The following ARHGAP26 variants were observed in gnomAD, a reference collection of about 807,000 sequenced individuals.
ARHGAP26 encodes rho GTPase-activating protein 26.
A neutral mutation model predicts 104.8 loss-of-function variants in ARHGAP26; 38 were observed. The observed-to-expected ratio is 0.36, with a 90% CI of 0.28 to 0.48. ARHGAP26 has a LOEUF of 0.48. Among genes scored for constraint, ARHGAP26 ranks in the 20% least tolerant of loss-of-function variants. The probability of loss-of-function intolerance (pLI) is 0.99; values close to 1 mark genes in which losing one functional copy is unlikely to be tolerated. For synonymous variants in ARHGAP26, 341 were observed against 340.0 expected, an observed-to-expected ratio of 1.00 and a Z score of -0.03; for missense variants, 704 against 947.9, an observed-to-expected ratio of 0.74 and a Z score of 3.38.
At chr5:142,835,553 A>G (rs1204912521) in intron 1 of ARHGAP26, among the ~76,000 whole-genome samples, 1 of 152,172 alleles carries the variant, frequency 6.6e-6, no homozygotes, top group African/African-American at 2.4e-5. Context: ...CTTGTCTTTT[A>G]CCCAGGTGTC....
intron 17 of ARHGAP26, among the ~76,000 whole-genome samples, chr5:143,117,263 G>A (rs1278519637): frequency 2.6e-5 from 4 of 152,172 alleles, no homozygotes; most frequent in South Asian, 2.1e-4. Context: ...AACGAGTCCC[G>A]TGGCCTCTGC....
intron 1 of ARHGAP26, among the ~76,000 whole-genome samples, chr5:142,820,446 CAAAA>C: frequency 7.2e-6 from 1 of 138,970 alleles, no homozygotes; most frequent in East Asian, 2.7e-4. Context: ...CTTAAAAAAA[CAAAA>C]AAACAAACAA....
At chr5:143,188,327 A>G (rs1280618189) in intron 20 of ARHGAP26, among the ~76,000 whole-genome samples, 1 of 152,230 alleles carries the variant, frequency 6.6e-6, no homozygotes, top group Non-Finnish European at 1.5e-5. Context: ...AGGCCAGAGC[A>G]GGAATAGTAT....
intron 12 of ARHGAP26, among the ~76,000 whole-genome samples, chr5:143,027,754 G>C (rs1352814510): frequency 6.6e-6 from 1 of 152,182 alleles, no homozygotes; most frequent in Non-Finnish European, 1.5e-5. Flanking sequence ...GTCCAGCAGG[G>C]AATGTGGTAT....
At chr5:142,792,572 G>C (rs545964792) in intron 1 of ARHGAP26, among the ~76,000 whole-genome samples, 1 of 152,236 alleles carries the variant, frequency 6.6e-6, no homozygotes, top group African/African-American at 2.4e-5. Flanking sequence ...GGTACTGACC[G>C]TGCAGGGATC....
chr5:143,162,011 G>A (rs1364301856), intron 20 of ARHGAP26, among the ~76,000 whole-genome samples: 1 of 152,156 alleles, frequency 6.6e-6, no homozygotes, highest in Admixed American at 6.5e-5. Context: ...CATATCAGAC[G>A]TCACAGACAA....
At position 142,888,652 on chromosome 5, in the gene ARHGAP26, A is replaced by C. The variant is rs1183840722; in HGVS notation, c.486+3253A>C. On this transcript the variant is annotated intron_variant, in intron 5 of 22. Transcript: ENST00000645722. Reference sequence around the variant, plus strand: ...CCATCCCTAGATCCCTGGAAGTAGAAACTACAGGGCAGTGATGTGGAATGG... The same window carrying C: ...CCATCCCTAGATCCCTGGAAGTAGACACTACAGGGCAGTGATGTGGAATGG... Among the ~76,000 whole-genome samples the C allele has an allele frequency of 2.0e-5, 3 of 152,196 alleles. No homozygotes were observed. In the East Asian group the frequency reaches 5.8e-4, roughly 29 times the overall value.
rs246665 is a variant in ARHGAP26, at chr5:143,041,454, T to C, written c.1211-362T>C. 4.0e-3 allele frequency: 707 copies of C among 175,822 alleles called. 2 individuals carry two copies. The highest frequency in any genetic ancestry group is 0.014 in the Middle Eastern group (5 of 346). The allele number at this position is 175,822 out of a possible 1,614,324, so 10.9% of individuals were successfully genotyped here. A position where few individuals can be genotyped will look rare whatever the true frequency, so the allele number is the denominator to read the frequency against. On this transcript the variant is annotated intron_variant, in intron 13 of 22. Coordinates refer to ENST00000645722, the MANE Select transcript of ARHGAP26 (RefSeq NM_001135608.3). ...TCTGTTGTATGAATTTTTAATGTCA[T>C]TTTTGGCATTTTAATTTTAAAAATT...
intron 1 of ARHGAP26, among the ~76,000 whole-genome samples, chr5:142,862,591 T>TA (rs1401416255): frequency 1.3e-5 from 2 of 152,216 alleles, no homozygotes; most frequent in African/African-American, 4.8e-5. Context: ...GAAGTGGTGG[T>TA]ACTCAGATTT....
At chr5:142,967,231 C>A (rs185793073) in intron 11 of ARHGAP26, among the ~76,000 whole-genome samples, 1 of 152,128 alleles carries the variant, frequency 6.6e-6, no homozygotes, top group Non-Finnish European at 1.5e-5. Flanking sequence ...TGTATAAAAA[C>A]AAGTGCCAGT....
At chr5:143,146,951 A>G (rs923070936) in intron 19 of ARHGAP26, among the ~76,000 whole-genome samples, 15 of 152,346 alleles carry the variant, frequency 9.8e-5, no homozygotes, top group African/African-American at 3.4e-4. Flanking sequence ...ATGGTGCCAT[A>G]GTAGGGCCAC....
At chr5:143,094,681 G>T (rs12520307) in intron 17 of ARHGAP26, among the ~76,000 whole-genome samples, 1 of 152,214 alleles carries the variant, frequency 6.6e-6, no homozygotes, top group African/African-American at 2.4e-5. Flanking sequence ...TCCCTGACAC[G>T]TGTGGCCCCT....
intron 11 of ARHGAP26, among the ~76,000 whole-genome samples, chr5:142,948,460 C>A (rs1424652479): frequency 1.3e-5 from 2 of 151,522 alleles, no homozygotes; most frequent in African/African-American, 4.8e-5. Context: ...TGCTGGCTTT[C>A]TTTGAATTTA....
intron 10 of ARHGAP26, among the ~76,000 whole-genome samples, chr5:142,927,529 AT>A (rs767369169): frequency 3.0e-4 from 45 of 152,218 alleles, no homozygotes; most frequent in Admixed American, 1.4e-3. Context: ...AAATTGTTGT[AT>A]GGTATGCCAT....
intron 20 of ARHGAP26, among the ~76,000 whole-genome samples, chr5:143,195,399 C>A (rs879816946): frequency 2.0e-5 from 3 of 152,126 alleles, no homozygotes; most frequent in Non-Finnish European, 4.4e-5. Flanking sequence ...CATTTAGATT[C>A]TTATTAAATC....
rs1810521549 is a variant in ARHGAP26, at chr5:143,217,525, A to T, written c.2191+3437A>T. Among the ~76,000 whole-genome samples the T allele has an allele frequency of 2.0e-5, 3 of 152,342 alleles. No homozygotes were observed. In the South Asian group the frequency reaches 6.2e-4, roughly 32 times the overall value. On this transcript the variant is annotated intron_variant, in intron 22 of 22. Transcript: ENST00000645722. Reference sequence around the variant, plus strand: ...ATGGCAGTCACTAAAATTGGGTTCTAGGGATACTTTTAATAAGATTTGAGA... The same window carrying T: ...ATGGCAGTCACTAAAATTGGGTTCTTGGGATACTTTTAATAAGATTTGAGA...
intron 5 of ARHGAP26, among the ~76,000 whole-genome samples, chr5:142,892,782 G>T (rs1044827105): frequency 6.6e-6 from 1 of 152,106 alleles, no homozygotes; most frequent in Middle Eastern, 3.4e-3. Context: ...GGTATTTAGG[G>T]TATCAGTCAC....
intron 16 of ARHGAP26, among the ~76,000 whole-genome samples, chr5:143,057,244 A>G (rs1460195138): frequency 3.9e-5 from 6 of 152,264 alleles, no homozygotes; most frequent in Middle Eastern, 3.4e-3. Context: ...AACCCTTGCA[A>G]TGTTGTTCAT....
chr5:142,947,759 C>G lies in ARHGAP26; in HGVS notation c.1107+15634C>G, dbSNP rs573768590. The stretch of plus-strand genomic sequence containing the variant: ...CACTCTGAATGGAAATCCATGAAGG[C>G]GAGGATCTTGACTTTCTTGTTCTTC... On this transcript the variant is annotated intron_variant, in intron 11 of 22. Transcript: ENST00000645722. Among the ~76,000 whole-genome samples the G allele has an allele frequency of 2.6e-5, 4 of 152,160 alleles. No homozygotes were observed. The South Asian group carries it at 8.3e-4, about 32-fold the overall frequency.
Sources: allele counts gnomAD v4.1 joint callset (sites outside exome capture counted in the v4.1 genomes callset), GRCh38; gene constraint gnomAD v4.1.1; transcripts MANE v1.5; gene names NCBI Gene and HGNC (gene_info 2026-07-23, HGNC 2026-07-21).